DCST2: variants seen among roughly 807,000 people sequenced by gnomAD.
The protein encoded by DCST2 is DC-STAMP domain-containing protein 2.
Under a neutral mutation model 81.8 loss-of-function variants are expected in DCST2, and 64 were observed. The ratio of observed to expected loss-of-function variants is 0.78; its 90% CI spans 0.64 to 0.96. The LOEUF is 0.96. Ranked by LOEUF, DCST2 falls within the 40% of genes least tolerant of loss-of-function variation. DCST2 has a pLI of 0.00. For missense variants in DCST2, 945 were observed against 1,001.4 expected, an observed-to-expected ratio of 0.94 and a Z score of 0.76; for synonymous variants, 354 against 402.6, an observed-to-expected ratio of 0.88 and a Z score of 1.44.
Position 155,030,499 on chromosome 1 carries a change from G to C in DCST2, c.952C>G (p.Arg318Gly), listed in dbSNP as rs189518972. ...LHEAVSMKLH[R>G]VREALALMGF... The stretch of plus-strand genomic sequence containing the variant: ...ATCAGAGCCAGGGCCTCTCGGACAC[G>C]GTGCAGCTTCATGCTGACAGCCTCG... Residue 318 changes from arginine to glycine, a missense_variant, in exon 6 of 15, where the codon CGT becomes GGT. Transcript: ENST00000368424. 1.2e-4 allele frequency: 189 copies of C among 1,614,078 alleles called. 1 individual carries two copies. In the East Asian group the frequency reaches 3.9e-3, roughly 33 times the overall value.
In DCST2 at chr1:155,018,653, G is replaced by T; in HGVS notation, c.2213C>A (p.Pro738Gln). The change falls in exon 15 of 15, where the codon CCA becomes CAA. Residue 738 changes from proline to glutamine, a missense_variant. By Grantham distance (76) the Pro-to-Gln change is moderately conservative (BLOSUM62 -1). Transcript: ENST00000368424. ...TTTAGTGGCGGAGGATGTCTCAGGT[G>T]GTCTGTGGGGCTCAGGGCTGGTGAG... ...SILTSPEPHR[P>Q]PETSSATKGA... 6.2e-7 allele frequency: 1 copy of T among 1,613,954 alleles called. No individual in the cohort carries two copies. Among genetic ancestry groups the T allele is most frequent in the Non-Finnish European group, 8.5e-7 (1 of 1,179,928 alleles).
At position 155,031,723 on chromosome 1, in the gene DCST2, A is replaced by C; in HGVS notation, c.590T>G (p.Val197Gly). 1.9e-6 allele frequency: 3 copies of C among 1,614,028 alleles called. No homozygotes were observed. Among genetic ancestry groups the C allele is most frequent in the South Asian group, 2.2e-5 (2 of 91,086 alleles). The part of the protein sequence containing the change: ...VWQWLLHIGD[V>G]CNSELGNPYL... ...AGGGTTGCCCAGTTCCGAGTTGCAC[A>C]CATCGCCGATGTGCAGGAGCCACTG... Residue 197 changes from valine to glycine, a missense_variant, in exon 4 of 15, where the codon GTG (valine) becomes GGG (glycine). Transcript: ENST00000368424.
At chr1:155,027,670 TG>T (rs1175845173) in intron 8 of DCST2, among the ~76,000 whole-genome samples, 1 of 145,904 alleles carries the variant, frequency 6.9e-6, no homozygotes, top group Non-Finnish European at 1.5e-5. Context: ...AAGTGATTCT[TG>T]AGCCTCAGCC....
At chr1:155,026,750 G>A (rs751278222) in intron 8 of DCST2, 35 bp from the exon 9 acceptor site, 3 of 1,611,350 alleles carry the variant, frequency 1.9e-6, no homozygotes, top group Non-Finnish European at 2.5e-6. Context: ...GACACTCATG[G>A]CAGTTGCTAT....
intron 7 of DCST2, among the ~76,000 whole-genome samples, 173 bp from the exon 8 acceptor site, chr1:155,029,570 G>GGGGAGGGGGCTCCGTGGCTAGAA (rs1477630133): frequency 1.3e-5 from 2 of 152,176 alleles, no homozygotes; most frequent in Non-Finnish European, 2.9e-5. Flanking sequence ...ATACTCTTCA[G>GGGGAGGGGGCTCCGTGGCTAGAA]GGGAGGGGGC....
intron 8 of DCST2, 25 bp downstream of exon 8, chr1:155,029,205 GGGA>G: frequency 6.2e-7 from 1 of 1,609,780 alleles, no homozygotes; most frequent in Non-Finnish European, 8.5e-7. Flanking sequence ...GTGGGTGAGT[GGGA>G]GGAGGCTGTC....
In DCST2 at chr1:155,030,670, A is replaced by C. The variant is rs376875374; in HGVS notation, c.806-25T>G. 430 of 1,612,764 alleles carry C rather than the reference A, an allele frequency of 2.7e-4. 1 individual carries two copies. The highest frequency in any genetic ancestry group is 3.1e-4 in the Non-Finnish European group (368 of 1,179,372). On this transcript the variant is annotated intron_variant, in intron 5 of 14. Transcript: ENST00000368424. Reference sequence around the variant, plus strand: ...GCTGGGGCCAGCAGGTTCAGGGGAGACGTGGGCAAGGAGAGTTAGGAGAGG... The same window carrying C: ...GCTGGGGCCAGCAGGTTCAGGGGAGCCGTGGGCAAGGAGAGTTAGGAGAGG...
intron 3 of DCST2, 84 bp downstream of exon 3, chr1:155,032,583 C>G (rs1660128649): frequency 1.7e-6 from 2 of 1,182,122 alleles, no homozygotes; most frequent in South Asian, 2.5e-5. Flanking sequence ...TCGCAAAGTG[C>G]TGGGATTACA....
In DCST2 at chr1:155,033,080, G is replaced by A. The variant is rs1367826324; in HGVS notation, c.439+14C>T. On this transcript the variant is annotated intron_variant, in intron 2 of 14. Coordinates refer to ENST00000368424, the MANE Select transcript of DCST2 (RefSeq NM_144622.3). ...GGGGCCCGTGGGAGACAGTGGTAGA[G>A]GTGGGGGACTTACTGACAAGAGGTT... is the stretch of plus-strand genomic sequence containing the variant. The A allele has an allele frequency of 6.4e-7, 1 of 1,550,948 alleles. No individual in the cohort carries two copies. The highest frequency in any genetic ancestry group is 8.7e-7 in the Non-Finnish European group (1 of 1,147,928).
chr1:155,024,746 G>C, intron 10 of DCST2, 144 bp from the exon 11 acceptor site: 1 of 957,564 alleles, frequency 1.0e-6, no homozygotes, highest in Non-Finnish European at 1.4e-6. Flanking sequence ...CTTCCTCTGG[G>C]AAGTCTTCTG....
chr1:155,030,687 T>A, intron 5 of DCST2, 42 bp from the exon 6 acceptor site: 1 of 1,607,070 alleles, frequency 6.2e-7, no homozygotes, highest in African/African-American at 1.3e-5. Context: ...CAAGGAGAGT[T>A]AGGAGAGGGT....
intron 8 of DCST2, 116 bp downstream of exon 8, chr1:155,029,117 G>A (rs1659994950): frequency 3.9e-6 from 5 of 1,266,200 alleles, no homozygotes; most frequent in Non-Finnish European, 5.5e-6. Flanking sequence ...CATTCAGGCA[G>A]TCACCAGGAC....
chr1:155,025,559 C>T (rs1346808093), intron 10 of DCST2, among the ~76,000 whole-genome samples: 1 of 152,008 alleles, frequency 6.6e-6, no homozygotes, highest in Non-Finnish European at 1.5e-5. Flanking sequence ...AATCTCTTGA[C>T]CTTGTGATCT....
At chr1:155,018,821 C>T (rs907700898) in intron 14 of DCST2, 61 bp from the exon 15 acceptor site, 6 of 1,492,634 alleles carry the variant, frequency 4.0e-6, no homozygotes, top group Non-Finnish European at 4.6e-6. Context: ...AGGTGCATCC[C>T]TGCCCCCTGC....
At chr1:155,030,343 G>A in intron 6 of DCST2, 89 bp downstream of exon 6, 1 of 1,594,228 alleles carries the variant, frequency 6.3e-7, no homozygotes, top group Admixed American at 1.7e-5. Flanking sequence ...CTCCCTGGAT[G>A]CTGGGGCAGG....
intron 10 of DCST2, among the ~76,000 whole-genome samples, chr1:155,025,261 A>G (rs1659869780): frequency 6.6e-6 from 1 of 152,034 alleles, no homozygotes; most frequent in Non-Finnish European, 1.5e-5. Flanking sequence ...GAGATAGGGG[A>G]ATACAGTACA....
Position 155,018,694 on chromosome 1 carries a change from A to T in DCST2, c.2172T>A (p.His724Gln), listed in dbSNP as rs775655201. 14 of 1,613,802 alleles carry T rather than the reference A, an allele frequency of 8.7e-6. No individual in the cohort carries two copies. Among genetic ancestry groups the T allele is most frequent in the Non-Finnish European group, 1.1e-5 (13 of 1,179,962 alleles). The change falls in exon 15 of 15, where the codon CAT becomes CAA. Residue 724 changes from histidine to glutamine, a missense_variant. By Grantham distance (24) the His-to-Gln change is conservative. Coordinates refer to ENST00000368424, the MANE Select transcript of DCST2 (RefSeq NM_144622.3). The stretch of plus-strand genomic sequence containing the variant: ...GGCTGGTGAGAATGCTGACAGGCTG[A>T]TGGGCTTCAGGTAAGGGCTGCTGCC... ...KHGQQPLPEAHQPVSILTSPE... is the reference protein window; with the variant it reads ...KHGQQPLPEAQQPVSILTSPE...
intron 7 of DCST2, 95 bp downstream of exon 7, chr1:155,029,989 G>C: frequency 6.4e-7 from 1 of 1,551,412 alleles, no homozygotes; most frequent in Non-Finnish European, 8.7e-7. Context: ...CCCATCCTGA[G>C]CCCTGCCTGT....
rs752323488 is a variant in DCST2 at position 155,031,244 on chromosome 1, G to A, written c.740-10C>T. On this transcript the variant is annotated splice_polypyrimidine_tract_variant and intron_variant, in intron 4 of 14. Transcript: ENST00000368424. ...CAGAACACCTGGACCACTGAGGGGC[G>A]GAGTCGGCTGAGTGTCGGAAGGAGG... 2.1e-5 allele frequency: 33 copies of A among 1,565,302 alleles called. No individual in the cohort carries two copies. The highest frequency in any genetic ancestry group is 2.0e-4 in the South Asian group (17 of 84,638).
Sources: gnomAD v4.1 joint callset for allele counts (sites outside exome capture counted in the v4.1 genomes callset) on GRCh38, gnomAD v4.1.1 for gene constraint, MANE v1.5 for transcripts, NCBI Gene and HGNC (gene_info 2026-07-23, HGNC 2026-07-21) for gene names.